The following NPAS3 variants were observed in gnomAD, a reference collection of about 807,000 sequenced individuals.
NPAS3 encodes the protein neuronal PAS domain-containing protein 3.
A neutral mutation model predicts 73.1 loss-of-function variants in NPAS3; 14 were observed. The ratio of observed to expected loss-of-function variants is 0.19; its 90% CI spans 0.13 to 0.30. The LOEUF (loss-of-function observed/expected upper bound fraction) is 0.30, where lower values mean the gene tolerates loss of function less well. NPAS3 is among the 10% of genes least tolerant of loss of function. The pLI is 1.00. For synonymous variants in NPAS3, 620 were observed against 541.5 expected, an observed-to-expected ratio of 1.14 and a Z score of -2.01; for missense variants, 1,096 against 1,250.0, an observed-to-expected ratio of 0.88 and a Z score of 1.86.
Position 33,512,013 on chromosome 14 carries a change from G to A in NPAS3, c.469-48108G>A, listed in dbSNP as rs74765698. ...TGGTCCACACAGCATGGGTTGAGTA[G>A]CACCACTCTATATAGGAACCAATTT... On this transcript the variant is annotated intron_variant, in intron 4 of 11. Coordinates refer to ENST00000356141, the Ensembl canonical transcript of NPAS3. 9.1e-3 allele frequency among the ~76,000 whole-genome samples: 1,389 copies of A among 152,098 alleles called. 20 individuals are homozygous for A. The highest frequency in any genetic ancestry group is 0.032 in the African/African-American group (1,311 of 41,522).
rs968849373 is a variant in NPAS3, at chr14:33,560,267, T to A, written c.558+57T>A. ...GATTATGAAGCCTTCTTCAGCCTCA[T>A]GTTTTTCCTTCTTCAAGGAATATTC... On this transcript the variant is annotated intron_variant, in intron 5 of 11. Transcript: ENST00000356141. The A allele has an allele frequency of 5.1e-6, 4 of 782,304 alleles. No individual in the cohort carries two copies. In the African/African-American group the frequency reaches 5.1e-5, roughly 10 times the overall value. 48.5% of individuals were successfully genotyped at this position (782,304 alleles called of 1,614,324 possible). A position where few individuals can be genotyped will look rare whatever the true frequency, so the allele number is the denominator to read the frequency against.
At chr14:32,961,341 G>A (rs189330645) in intron 1 of NPAS3, among the ~76,000 whole-genome samples, 10 of 151,298 alleles carry the variant, frequency 6.6e-5, no homozygotes, top group Admixed American at 3.3e-4. Context: ...AACCAGGGAG[G>A]TGGAGGTTGC....
chr14:33,623,086 C>G (rs1219195865), intron 5 of NPAS3, among the ~76,000 whole-genome samples: 1 of 152,134 alleles, frequency 6.6e-6, no homozygotes, highest in African/African-American at 2.4e-5. Flanking sequence ...ACAACGAGTC[C>G]ATGGCCAAAC....
intron 4 of NPAS3, among the ~76,000 whole-genome samples, chr14:33,399,659 GT>G (rs5807726): frequency 0.36 from 52,310 of 146,292 alleles, 9,440 homozygotes; most frequent in East Asian, 0.52. Flanking sequence ...ATGAAGCTGG[GT>G]TTTTTTTTTT....
chr14:33,156,951 A>C (rs994417463), intron 2 of NPAS3, among the ~76,000 whole-genome samples: 26 of 152,328 alleles, frequency 1.7e-4, no homozygotes, highest in African/African-American at 6.3e-4. Flanking sequence ...AGTATTTATA[A>C]ATATTGCTTG....
chr14:33,185,347 A>G (rs1032035514), intron 2 of NPAS3, among the ~76,000 whole-genome samples: 5 of 152,292 alleles, frequency 3.3e-5, no homozygotes, highest in East Asian at 1.9e-4. Flanking sequence ...AGAGAGCCAG[A>G]TCCTATTTTG....
intron 3 of NPAS3, among the ~76,000 whole-genome samples, chr14:33,236,915 A>G (rs2048053608): frequency 6.6e-6 from 1 of 152,150 alleles, no homozygotes; most frequent in Admixed American, 6.6e-5. Context: ...TCTTTATGAA[A>G]GATAAATCAG....
intron 1 of NPAS3, among the ~76,000 whole-genome samples, chr14:33,025,909 A>G (rs2039784981): frequency 6.6e-6 from 1 of 152,218 alleles, no homozygotes. Context: ...ATGCTTTTAT[A>G]GCAGTGTGAG....
chr14:33,160,971 C>T (rs561066883), intron 2 of NPAS3, among the ~76,000 whole-genome samples: 1 of 152,272 alleles, frequency 6.6e-6, no homozygotes, highest in Admixed American at 6.5e-5. Context: ...ACTGAGCATA[C>T]TTTGGACAGC....
chr14:33,452,066 T>A (rs1244633143), intron 4 of NPAS3, among the ~76,000 whole-genome samples: 2 of 152,212 alleles, frequency 1.3e-5, no homozygotes, highest in Non-Finnish European at 2.9e-5. Flanking sequence ...TGTCTCATCA[T>A]GTTAATGTTG....
Position 33,270,755 on chromosome 14 carries a change from T to C in NPAS3, c.385+55329T>C, listed in dbSNP as rs115235698. Among the ~76,000 whole-genome samples the C allele has an allele frequency of 5.2e-3, 796 of 152,302 alleles. 5 individuals carry two copies. The highest frequency in any genetic ancestry group is 0.018 in the African/African-American group (755 of 41,564). On this transcript the variant is annotated intron_variant, in intron 3 of 11. Transcript: ENST00000356141. ...GTGGCTTTAGCCTGTTAAGCACATATCACAACCATGAGTTATTTGACAGGC... is the reference window on the plus strand; with the variant it reads ...GTGGCTTTAGCCTGTTAAGCACATACCACAACCATGAGTTATTTGACAGGC...
At chr14:32,955,688 CT>C (rs1286465104) in intron 1 of NPAS3, among the ~76,000 whole-genome samples, 2 of 152,118 alleles carry the variant, frequency 1.3e-5, no homozygotes, top group Non-Finnish European at 2.9e-5. Flanking sequence ...GAAACACCTT[CT>C]TGGAACAGAG....
rs78390184 is a variant in NPAS3, at chr14:33,577,075, T to C, written c.558+16865T>C. 1.9e-3 allele frequency among the ~76,000 whole-genome samples: 282 copies of C among 152,298 alleles called. 2 individuals are homozygous for C. Among genetic ancestry groups the C allele is most frequent in the Admixed American group, 5.2e-3 (80 of 15,296 alleles). The stretch of plus-strand genomic sequence containing the variant: ...AAAGATTTACCTGTCTCAATATGAG[T>C]AAAGACAATGTAGCTGATGAAACTT... On this transcript the variant is annotated intron_variant, in intron 5 of 11. Transcript: ENST00000356141.
At chr14:33,529,683 G>A (rs990537995) in intron 4 of NPAS3, among the ~76,000 whole-genome samples, 4 of 151,408 alleles carry the variant, frequency 2.6e-5, no homozygotes, top group East Asian at 1.9e-4. Flanking sequence ...AAGAGAATCC[G>A]AAGGAAGCTG....
intron 2 of NPAS3, among the ~76,000 whole-genome samples, chr14:33,155,115 G>T (rs2044600629): frequency 6.6e-6 from 1 of 152,268 alleles, no homozygotes; most frequent in Admixed American, 6.5e-5. Context: ...GGCATAGTTT[G>T]CTGATCTTGG....
At chr14:33,147,503 T>C (rs1435506775) in intron 2 of NPAS3, among the ~76,000 whole-genome samples, 1 of 151,504 alleles carries the variant, frequency 6.6e-6, no homozygotes, top group Non-Finnish European at 1.5e-5. Context: ...ATGACTCTTA[T>C]GTTTAGTTAA....
chr14:33,028,478 G>A (rs2039881572), intron 1 of NPAS3, among the ~76,000 whole-genome samples: 2 of 152,324 alleles, frequency 1.3e-5, no homozygotes, highest in Middle Eastern at 6.8e-3. Flanking sequence ...AAAACTTTGT[G>A]CTATAGACAT....
intron 4 of NPAS3, among the ~76,000 whole-genome samples, chr14:33,526,093 A>C (rs560492826): frequency 4.1e-4 from 62 of 152,218 alleles, no homozygotes; most frequent in African/African-American, 1.4e-3. Flanking sequence ...AATTTGACGT[A>C]ATTTTCCATG....
At chr14:33,565,477 G>C (rs995749038) in intron 5 of NPAS3, among the ~76,000 whole-genome samples, 1 of 152,156 alleles carries the variant, frequency 6.6e-6, no homozygotes, top group Non-Finnish European at 1.5e-5. Flanking sequence ...CTTTGCAACC[G>C]CCATGTCTTT....
Sources: gnomAD v4.1 joint callset for allele counts (sites outside exome capture counted in the v4.1 genomes callset) on GRCh38, gnomAD v4.1.1 for gene constraint, MANE v1.5 for transcripts, NCBI Gene and HGNC (gene_info 2026-07-23, HGNC 2026-07-21) for gene names.